The following CALCR variants were observed in gnomAD, a reference collection of about 807,000 sequenced individuals.
CALCR encodes the protein calcitonin receptor.
A neutral mutation model predicts 59.5 loss-of-function variants in CALCR; 47 were observed. The ratio of observed to expected loss-of-function variants is 0.79; its 90% confidence interval spans 0.63 to 1.01. The LOEUF (loss-of-function observed/expected upper bound fraction) is 1.01, where lower values mean the gene tolerates loss of function less well. Ranked by LOEUF, CALCR falls within the 50% of genes least tolerant of loss-of-function variation. The pLI is 0.00. For synonymous variants in CALCR, 213 were observed against 211.3 expected (o/e 1.01, Z -0.07); for missense variants, 566 against 597.1 (o/e 0.95, Z 0.54).
chr7:93,493,040 C>T (rs943127095), intron 2 of CALCR, among the ~76,000 whole-genome samples: 2 of 151,148 alleles, frequency 1.3e-5, no homozygotes, highest in Admixed American at 6.6e-5. Flanking sequence ...CCCAAACTAC[C>T]CATTTGGCAT....
At chr7:93,491,309 G>GA (rs562406220) in intron 2 of CALCR, among the ~76,000 whole-genome samples, 32 of 152,130 alleles carry the variant, frequency 2.1e-4, no homozygotes, top group African/African-American at 7.7e-4. Context: ...AACTCTAGAA[G>GA]AAAACCTAGG....
intron 9 of CALCR, among the ~76,000 whole-genome samples, chr7:93,443,295 A>G (rs1799947361): frequency 6.6e-6 from 1 of 152,152 alleles, no homozygotes; most frequent in Non-Finnish European, 1.5e-5. Flanking sequence ...AAGGAGGCCT[A>G]ATCAGATCTT....
chr7:93,490,642 A>G (rs1049227317), intron 2 of CALCR, among the ~76,000 whole-genome samples: 3 of 151,914 alleles, frequency 2.0e-5, no homozygotes, highest in Non-Finnish European at 2.9e-5. Context: ...ATCACAAATG[A>G]ACTCCAATTC....
chr7:93,485,148 A>G (rs1800913979), intron 3 of CALCR, among the ~76,000 whole-genome samples: 1 of 151,698 alleles, frequency 6.6e-6, no homozygotes, highest in South Asian at 2.1e-4. Flanking sequence ...ATTTTGTTTT[A>G]TGGACAAATC....
intron 13 of CALCR, among the ~76,000 whole-genome samples, chr7:93,432,037 C>A (rs938315417): frequency 2.6e-5 from 4 of 152,092 alleles, no homozygotes; most frequent in Non-Finnish European, 5.9e-5. Context: ...TCTCATGGTC[C>A]TCTCCTGATT....
intron 3 of CALCR, among the ~76,000 whole-genome samples, chr7:93,483,418 TA>T (rs1423617914): frequency 3.4e-4 from 44 of 129,616 alleles, no homozygotes; most frequent in African/African-American, 1.8e-3. Context: ...TATAGATAGA[TA>T]GATAGATAGA....
At chr7:93,466,164 A>G (rs961778377) in intron 7 of CALCR, among the ~76,000 whole-genome samples, 5 of 151,914 alleles carry the variant, frequency 3.3e-5, no homozygotes, top group Non-Finnish European at 5.9e-5. Flanking sequence ...GAATTAAGTA[A>G]GGGAGTGATG....
chr7:93,572,780 C>T (rs949714720), intron 2 of CALCR, among the ~76,000 whole-genome samples: 8 of 152,120 alleles, frequency 5.3e-5, no homozygotes, highest in Admixed American at 2.0e-4. Context: ...TTCTTTTTAA[C>T]TTTGAGAATC....
At chr7:93,484,901 G>A (rs1408265653) in intron 3 of CALCR, among the ~76,000 whole-genome samples, 1 of 151,704 alleles carries the variant, frequency 6.6e-6, no homozygotes, top group Non-Finnish European at 1.5e-5. Flanking sequence ...GAGGAATTGA[G>A]TGGGTGGTTA....
chr7:93,436,287 G>A (rs1395372962), intron 11 of CALCR, 117 bp from the exon 12 acceptor site: 3 of 801,660 alleles, frequency 3.7e-6, no homozygotes, highest in Non-Finnish European at 6.0e-6. Flanking sequence ...CATAGAACAT[G>A]AGAGTCTACC....
chr7:93,499,077 A>T (rs1350689464), intron 2 of CALCR, among the ~76,000 whole-genome samples: 3 of 151,662 alleles, frequency 2.0e-5, no homozygotes, highest in African/African-American at 7.2e-5. Context: ...AGACAACTGG[A>T]CTATAATTAA....
intron 2 of CALCR, among the ~76,000 whole-genome samples, chr7:93,487,856 T>G (rs1370029073): frequency 6.6e-6 from 1 of 151,540 alleles, no homozygotes; most frequent in Non-Finnish European, 1.5e-5. Context: ...CCAGGAGAAC[T>G]TCCCCAACAT....
chr7:93,500,451 C>G (rs929990439), intron 2 of CALCR, among the ~76,000 whole-genome samples: 4 of 151,986 alleles, frequency 2.6e-5, no homozygotes, highest in Non-Finnish European at 5.9e-5. Flanking sequence ...ACTGCAACAT[C>G]CACCAATTAG....
intron 2 of CALCR, among the ~76,000 whole-genome samples, chr7:93,564,962 A>G (rs954845197): frequency 2.6e-5 from 4 of 152,184 alleles, no homozygotes; most frequent in Admixed American, 1.3e-4. Flanking sequence ...TACTATATGA[A>G]TGGTAGGTGC....
chr7:93,519,850 A>G (rs963896969), intron 2 of CALCR, among the ~76,000 whole-genome samples: 2 of 151,984 alleles, frequency 1.3e-5, no homozygotes, highest in Admixed American at 1.3e-4. Context: ...TGCCATGTGA[A>G]GAAGTTCCTT....
At chr7:93,477,698 A>T (rs757751809) in intron 4 of CALCR, 30 bp from the exon 5 acceptor site, 1 of 1,374,234 alleles carries the variant, frequency 7.3e-7, no homozygotes, top group Non-Finnish European at 1.0e-6. Flanking sequence ...TTGATATTGA[A>T]GCCTTGTGGA....
At chr7:93,564,593 C>T (rs1265863770) in intron 2 of CALCR, among the ~76,000 whole-genome samples, 1 of 152,072 alleles carries the variant, frequency 6.6e-6, no homozygotes, top group African/African-American at 2.4e-5. Flanking sequence ...GCTGGGATTA[C>T]AGGCGCACAC....
At chr7:93,560,249 G>C (rs149456389) in intron 2 of CALCR, among the ~76,000 whole-genome samples, 1 of 151,888 alleles carries the variant, frequency 6.6e-6, no homozygotes, top group African/African-American at 2.4e-5. Flanking sequence ...TTTTACTAAG[G>C]AATCAGTGAC....
At chr7:93,503,093 C>T (rs778336823) in intron 2 of CALCR, among the ~76,000 whole-genome samples, 8 of 151,962 alleles carry the variant, frequency 5.3e-5, no homozygotes, top group Non-Finnish European at 1.0e-4. Flanking sequence ...CTCCAAATCT[C>T]AGTTTTTTAA....
Sources: gnomAD v4.1 joint callset for allele counts (sites outside exome capture counted in the v4.1 genomes callset) on GRCh38, gnomAD v4.1.1 for gene constraint, MANE v1.5 for transcripts, NCBI Gene and HGNC (gene_info 2026-07-23, HGNC 2026-07-21) for gene names.